PRCP: variants seen among roughly 807,000 people sequenced by gnomAD.
The protein encoded by PRCP is prolylcarboxypeptidase.
Under a neutral mutation model 54.2 loss-of-function variants are expected in PRCP, and 46 were observed. The ratio of observed to expected loss-of-function variants is 0.85; its 90% CI spans 0.67 to 1.09. The LOEUF is 1.09. Among genes scored for constraint, PRCP ranks in the 50% least tolerant of loss-of-function variants. The pLI is 0.00. For missense variants in PRCP, 613 were observed against 596.8 expected (o/e 1.03, Z -0.28); for synonymous variants, 240 against 212.2 (o/e 1.13, Z -1.14).
chr11:82,886,657 T>C (rs1859870183), intron 1 of PRCP, among the ~76,000 whole-genome samples: 1 of 152,184 alleles, frequency 6.6e-6, no homozygotes, highest in Non-Finnish European at 1.5e-5. Context: ...GGCAACATGG[T>C]ACAAGGGCTG....
Position 82,850,317 on chromosome 11 carries a change from C to T in PRCP, c.593+7G>A, listed in dbSNP as rs1185876667. On this transcript the variant is annotated splice_region_variant and intron_variant, in intron 4 of 8. Transcript: ENST00000313010. ...GAAACGTTCATGTCCAGTACAAATG[C>T]ACTTACCCAACTACCATATGAGGAT... 5.3e-6 allele frequency: 8 copies of T among 1,510,376 alleles called. No individual in the cohort carries two copies. Among genetic ancestry groups the T allele is most frequent in the Non-Finnish European group, 7.1e-6 (8 of 1,124,584 alleles). 93.6% of individuals were successfully genotyped at this position (1,510,376 alleles called of 1,614,324 possible).
At chr11:82,830,364 A>T (rs1025074755) in intron 8 of PRCP, 10 of 152,108 alleles carry the variant, frequency 6.6e-5, no homozygotes, top group Admixed American at 2.0e-4. Flanking sequence ...ACGGTGGCTC[A>T]CACCTATAAT....
intron 8 of PRCP, chr11:82,835,811 G>T (rs1858509830): frequency 2.0e-6 from 1 of 497,588 alleles, no homozygotes; most frequent in South Asian, 1.5e-5. Flanking sequence ...TGATGTTCAA[G>T]AACCAGATGA....
chr11:82,859,915 T>A (rs1238643285), intron 2 of PRCP, 62 bp downstream of exon 2: 2 of 1,449,764 alleles, frequency 1.4e-6, no homozygotes, highest in Non-Finnish European at 1.8e-6. Context: ...GCAAAACATT[T>A]CTTCCAAGTT....
At position 82,853,200 on chromosome 11, in the gene PRCP, G is replaced by T; in HGVS notation, c.388C>A (p.Pro130Thr). ...ACCTTGAATGAGTTGTCACCAAAGG[G>T]GAGAGACTCTCCATAGTATCGATGT... is the stretch of plus-strand genomic sequence containing the variant. ...AEHRYYGESL[P>T]FGDNSFKDSR... Residue 130 changes from proline (P) to threonine (T), a missense_variant, in exon 3 of 9, where the codon CCC becomes ACC. Transcript: ENST00000313010. 1 of 1,609,198 alleles carries T rather than the reference G, an allele frequency of 6.2e-7. No homozygotes were observed. The highest frequency in any genetic ancestry group is 8.5e-7 in the Non-Finnish European group (1 of 1,177,058).
At chr11:82,845,584 C>T (rs920294067) in intron 6 of PRCP, 2 of 152,174 alleles carry the variant, frequency 1.3e-5, no homozygotes, top group African/African-American at 4.8e-5. Context: ...ACCTAAACCG[C>T]TTAAACCACC....
intron 1 of PRCP, among the ~76,000 whole-genome samples, chr11:82,875,042 A>G (rs1235658543): frequency 6.6e-6 from 1 of 151,974 alleles, no homozygotes; most frequent in East Asian, 1.9e-4. Context: ...AAAAACCTGT[A>G]TAAAAAAAGT....
At chr11:82,859,911 C>G in intron 2 of PRCP, 66 bp downstream of exon 2, 1 of 1,439,888 alleles carries the variant, frequency 6.9e-7, no homozygotes, top group South Asian at 1.5e-5. Flanking sequence ...TATTGCAAAA[C>G]ATTTCTTCCA....
chr11:82,886,187 C>T (rs1194725380), intron 1 of PRCP, among the ~76,000 whole-genome samples: 1 of 152,170 alleles, frequency 6.6e-6, no homozygotes, highest in Non-Finnish European at 1.5e-5. Context: ...AATTACCCAA[C>T]CTGGTGTTAG....
At chr11:82,865,268 C>G (rs1054926639) in intron 1 of PRCP, among the ~76,000 whole-genome samples, 1 of 152,202 alleles carries the variant, frequency 6.6e-6, no homozygotes, top group Non-Finnish European at 1.5e-5. Flanking sequence ...ATAACACGCT[C>G]ATGCAGATAA....
rs761426267 is a variant in PRCP, at chr11:82,900,321, C to T, written c.82G>A (p.Ala28Thr). ...ATIALRPALR[A>T]LGSLHLPTNP... ...GTTGGCAAGTGTAGGCTGCCGAGGG[C>T]CCTTAAGGCCGGCCGGAGGGCTATG... The change falls in exon 1 of 9, where the codon GCC (alanine) becomes ACC (threonine). Residue 28 changes from alanine (A) to threonine (T), a missense_variant. Ala to Thr is a moderately conservative substitution (Grantham distance 58, BLOSUM62 0). Transcript: ENST00000313010. 3.7e-6 allele frequency: 6 copies of T among 1,614,170 alleles called. No individual in the cohort carries two copies. Among genetic ancestry groups the T allele is most frequent in the South Asian group, 3.3e-5 (3 of 91,088 alleles).
intron 8 of PRCP, chr11:82,835,588 G>A: frequency 3.1e-6 from 1 of 320,286 alleles, no homozygotes. Flanking sequence ...GATGAGGAAG[G>A]GGATACACAA....
chr11:82,893,005 G>A (rs1248669656), intron 1 of PRCP, among the ~76,000 whole-genome samples: 1 of 152,172 alleles, frequency 6.6e-6, no homozygotes, highest in Non-Finnish European at 1.5e-5. Context: ...GATTGAGTAT[G>A]GTAGTCATTA....
chr11:82,863,817 G>T (rs926769993), intron 1 of PRCP, among the ~76,000 whole-genome samples: 2 of 152,140 alleles, frequency 1.3e-5, no homozygotes, highest in Non-Finnish European at 2.9e-5. Context: ...CATGCCCAAG[G>T]TACTCCTGCT....
At chr11:82,873,357 T>C (rs933992554) in intron 1 of PRCP, among the ~76,000 whole-genome samples, 1 of 152,122 alleles carries the variant, frequency 6.6e-6, no homozygotes, top group Non-Finnish European at 1.5e-5. Context: ...AGCCCACTTA[T>C]AACAGATTCT....
In PRCP at chr11:82,853,048, A is replaced by G. The variant is rs937821280; in HGVS notation, c.411+129T>C. ...TTCAAATTGTATCTAAAAAGAAACT[A>G]TTAAATATAAACTATTGAGCTTTTA... On this transcript the variant is annotated intron_variant, in intron 3 of 8. Coordinates refer to ENST00000313010, the MANE Select transcript of PRCP (RefSeq NM_005040.4). The G allele has an allele frequency of 5.1e-6, 3 of 593,322 alleles. No homozygotes were observed. The African/African-American group carries it at 5.8e-5, about 11-fold the overall frequency. The allele number at this position is 593,322 out of a possible 1,614,324, so 36.8% of individuals were successfully genotyped here.
At position 82,863,820 on chromosome 11, in the gene PRCP, C is replaced by A. The variant is rs777063490; in HGVS notation, c.169-3703G>T. Among the ~76,000 whole-genome samples the A allele has an allele frequency of 1.2e-3, 189 of 152,198 alleles. 5 individuals carry two copies. The highest frequency in any genetic ancestry group is 3.2e-4 in the Non-Finnish European group (22 of 68,032). On this transcript the variant is annotated intron_variant, in intron 1 of 8. Transcript: ENST00000313010. ...CCCTTGTGTGGCCATGCCCAAGGTACTCCTGCTCCCAGCAATCAGCCTTGA... is the reference window on the plus strand; with the variant it reads ...CCCTTGTGTGGCCATGCCCAAGGTAATCCTGCTCCCAGCAATCAGCCTTGA...
chr11:82,839,097 A>C (rs1243247977), intron 7 of PRCP, among the ~76,000 whole-genome samples, 164 bp downstream of exon 7: 1 of 152,238 alleles, frequency 6.6e-6, no homozygotes, highest in Non-Finnish European at 1.5e-5. Context: ...AAATGAACAA[A>C]TGAATGAACA....
intron 1 of PRCP, among the ~76,000 whole-genome samples, chr11:82,894,148 G>A (rs1860065441): frequency 6.6e-6 from 1 of 151,976 alleles, no homozygotes; most frequent in Admixed American, 6.6e-5. Flanking sequence ...AGACAAATAA[G>A]ATCTACCATC....
Sources: allele counts gnomAD v4.1 joint callset (sites outside exome capture counted in the v4.1 genomes callset), GRCh38; gene constraint gnomAD v4.1.1; transcripts MANE v1.5; gene names NCBI Gene and HGNC (gene_info 2026-07-23, HGNC 2026-07-21).